The following TRPM3 variants were observed in gnomAD, a reference collection of about 807,000 sequenced individuals.
TRPM3 encodes the protein long transient receptor potential channel 3.
Under a neutral mutation model 181.2 loss-of-function variants are expected in TRPM3, and 77 were observed. The ratio of observed to expected loss-of-function variants is 0.42; its 90% confidence interval spans 0.35 to 0.51. The LOEUF is 0.51. Among genes scored for constraint, TRPM3 ranks in the 20% least tolerant of loss-of-function variants. TRPM3 has a pLI of 0.01. For missense variants in TRPM3, 1,759 were observed against 2,196.7 expected, an observed-to-expected ratio of 0.80 and a Z score of 3.98; for synonymous variants, 745 against 796.4, an observed-to-expected ratio of 0.94 and a Z score of 1.09.
At chr9:71,352,680 A>C (rs572758142) in intron 1 of TRPM3, among the ~76,000 whole-genome samples, 1 of 152,238 alleles carries the variant, frequency 6.6e-6, no homozygotes, top group South Asian at 2.1e-4. Context: ...TATTTTTTTC[A>C]AACAAAGAAA....
intron 7 of TRPM3, among the ~76,000 whole-genome samples, chr9:70,773,720 GTTC>G (rs776769415): frequency 1.3e-5 from 2 of 152,020 alleles, no homozygotes; most frequent in Admixed American, 6.6e-5. Flanking sequence ...AGCATTTCTC[GTTC>G]TTCATCTCCT....
rs1565349524 is a variant in TRPM3, at chr9:71,215,034, AAAAAAAAAAAAAC to A, written c.183+231606_183+231618del. ...TGTTCACTCTGCCTCACCAAAAAAC[AAAAAAAAAAAAAC>A]AAAAAAAAAAAAAAACAACAACCCA... is the stretch of plus-strand genomic sequence containing the variant. On this transcript the variant is annotated intron_variant, in intron 1 of 24. Coordinates refer to the TRPM3 transcript ENST00000357533. 6.8e-4 allele frequency among the ~76,000 whole-genome samples: 12 copies of A among 17,584 alleles called. No individual in the cohort carries two copies. In the South Asian group the frequency reaches 8.8e-3, roughly 13 times the overall value. 11.5% of individuals were successfully genotyped at this position (17,584 alleles called of 152,430 possible). A position where few individuals can be genotyped will look rare whatever the true frequency, so the allele number is the denominator to read the frequency against.
chr9:70,916,967 A>C (rs2096602067), intron 1 of TRPM3: 1 of 1,462,334 alleles, frequency 6.8e-7, no homozygotes, highest in African/African-American at 1.4e-5. Context: ...TTTCTAGTGA[A>C]CAATCTGGTA....
chr9:70,951,404 C>G (rs2096997838), intron 1 of TRPM3, among the ~76,000 whole-genome samples: 1 of 152,098 alleles, frequency 6.6e-6, no homozygotes, highest in African/African-American at 2.4e-5. Flanking sequence ...TGAAGTGGTG[C>G]AATCTCGGCT....
intron 1 of TRPM3, among the ~76,000 whole-genome samples, chr9:71,261,206 T>C (rs576337853): frequency 6.6e-6 from 1 of 152,326 alleles, no homozygotes; most frequent in Admixed American, 6.5e-5. Flanking sequence ...TCATTCCTTT[T>C]CATTCTTTTA....
intron 1 of TRPM3, among the ~76,000 whole-genome samples, chr9:71,226,630 TTG>T (rs549314043): frequency 1.0e-3 from 156 of 151,378 alleles, no homozygotes; most frequent in South Asian, 1.9e-3. Flanking sequence ...GAGGATATGA[TTG>T]TGTGTGTGTG....
intron 1 of TRPM3, among the ~76,000 whole-genome samples, chr9:71,099,026 C>A (rs75821608): frequency 6.6e-6 from 1 of 152,136 alleles, no homozygotes; most frequent in Non-Finnish European, 1.5e-5. Flanking sequence ...CACCATGACA[C>A]TGAAGCCAAA....
intron 1 of TRPM3, among the ~76,000 whole-genome samples, chr9:71,134,020 TGCGC>T (rs1170476756): frequency 9.1e-6 from 1 of 109,584 alleles, no homozygotes; most frequent in African/African-American, 3.4e-5. Context: ...TGTGTGCGCG[TGCGC>T]GCGCGCGCGT....
chr9:71,213,006 T>C (rs554857721), intron 1 of TRPM3, among the ~76,000 whole-genome samples: 1 of 152,314 alleles, frequency 6.6e-6, no homozygotes, highest in South Asian at 2.1e-4. Flanking sequence ...TATACTTATT[T>C]TTAATCAGAT....
At chr9:70,688,614 A>G (rs10120760) in intron 8 of TRPM3, among the ~76,000 whole-genome samples, 98,584 of 151,990 alleles carry the variant, frequency 0.65, 32,243 homozygotes, top group African/African-American at 0.73. Flanking sequence ...AGCATGACCC[A>G]ATCCCACGTA....
At chr9:71,308,720 C>G (rs2087624202) in intron 1 of TRPM3, among the ~76,000 whole-genome samples, 1 of 151,944 alleles carries the variant, frequency 6.6e-6, no homozygotes, top group African/African-American at 2.4e-5. Context: ...GACGATGAAA[C>G]CACAGAAGCA....
chr9:71,130,900 CG>C lies in TRPM3; in HGVS notation c.184-266390del, dbSNP rs2074330377. Among the ~76,000 whole-genome samples the C allele has an allele frequency of 2.6e-5, 4 of 152,260 alleles. No individual in the cohort carries two copies. The South Asian group carries it at 8.3e-4, about 32-fold the overall frequency. On this transcript the variant is annotated intron_variant, in intron 1 of 24. Transcript: ENST00000357533. ...AGAATAGGTAGATATAGCTGTAATG[CG>C]TATGTTTTTCTTTGTACTTTAATTA...
At chr9:70,936,962 T>C (rs1234257224) in intron 1 of TRPM3, among the ~76,000 whole-genome samples, 2 of 152,226 alleles carry the variant, frequency 1.3e-5, no homozygotes, top group Non-Finnish European at 2.9e-5. Flanking sequence ...TTTTAATCTC[T>C]GCTAGCTCAA....
At chr9:71,352,892 C>T (rs562467781) in intron 1 of TRPM3, among the ~76,000 whole-genome samples, 44 of 152,238 alleles carry the variant, frequency 2.9e-4, no homozygotes, top group African/African-American at 7.0e-4. Context: ...CAACACGATT[C>T]GAAACTCCCA....
chr9:70,863,841 C>T (rs1391629080), intron 2 of TRPM3, among the ~76,000 whole-genome samples: 3 of 151,974 alleles, frequency 2.0e-5, no homozygotes, highest in South Asian at 4.1e-4. Context: ...AGGTAATTTG[C>T]GCAAGGTTAC....
chr9:71,189,766 A>G (rs1374937958), intron 1 of TRPM3, among the ~76,000 whole-genome samples: 4 of 151,786 alleles, frequency 2.6e-5, no homozygotes, highest in Non-Finnish European at 4.4e-5. Flanking sequence ...AACACTCTGT[A>G]TATGTCTCAA....
intron 22 of TRPM3, among the ~76,000 whole-genome samples, chr9:70,588,499 C>T (rs540775445): frequency 1.3e-5 from 2 of 151,462 alleles, no homozygotes; most frequent in South Asian, 2.1e-4. Flanking sequence ...GGAGCACACG[C>T]ATTCCGTTAG....
intron 1 of TRPM3, among the ~76,000 whole-genome samples, chr9:71,430,122 G>A (rs191488382): frequency 2.0e-5 from 3 of 152,158 alleles, no homozygotes; most frequent in Non-Finnish European, 2.9e-5. Context: ...GCTTGCCAGC[G>A]TATCTTCTGC....
At chr9:71,004,172 T>C (rs971596324) in intron 1 of TRPM3, among the ~76,000 whole-genome samples, 4 of 152,150 alleles carry the variant, frequency 2.6e-5, no homozygotes, top group Non-Finnish European at 2.9e-5. Flanking sequence ...AGAGGTCACA[T>C]GGATAAGACT....
Sources: allele counts gnomAD v4.1 joint callset (sites outside exome capture counted in the v4.1 genomes callset), GRCh38; gene constraint gnomAD v4.1.1; transcripts MANE v1.5; gene names NCBI Gene and HGNC (gene_info 2026-07-23, HGNC 2026-07-21).